Variants in TM9SF3 observed in about 807,000 individuals in gnomAD.
The protein encoded by TM9SF3 is SM-11044-binding protein.
In TM9SF3, 14 loss-of-function variants were observed where a neutral mutation model predicts 78.6. That is an observed-to-expected ratio of 0.18 (90% CI 0.12 to 0.28). The LOEUF is 0.28. Ranked by LOEUF, TM9SF3 falls within the 10% of genes least tolerant of loss-of-function variation. TM9SF3 has a pLI of 1.00. For synonymous variants in TM9SF3, 231 were observed against 241.7 expected, an observed-to-expected ratio of 0.96 and a Z score of 0.41; for missense variants, 496 against 721.9, an observed-to-expected ratio of 0.69 and a Z score of 3.59.
Position 96,533,055 on chromosome 10 carries a change from T to G in TM9SF3, c.1321A>C (p.Lys441Gln). 6.2e-7 allele frequency: 1 copy of G among 1,613,552 alleles called. No individual in the cohort carries two copies. Among genetic ancestry groups the G allele is most frequent in the Non-Finnish European group, 8.5e-7 (1 of 1,179,818 alleles). ...AAGATTTAGCATTCTCTTTACCATTTTTTCTCCGGTATAGGACGAGGCACA... is the reference window on the plus strand; with the variant it reads ...AAGATTTAGCATTCTCTTTACCATTGTTTCTCCGGTATAGGACGAGGCACA... The part of the protein sequence containing the change: ...NAVPRPIPEK[K>Q]WFMEPAVIVC... The change falls in exon 10 of 15, where the codon AAA becomes CAA. Residue 441 changes from lysine to glutamine, a missense_variant. Physicochemically the swap from Lys to Gln is moderately conservative, Grantham distance 53 (BLOSUM62 1). Transcript: ENST00000371142.
At chr10:96,561,606 A>C (rs1369963469) in intron 4 of TM9SF3, among the ~76,000 whole-genome samples, 1 of 152,232 alleles carries the variant, frequency 6.6e-6, no homozygotes, top group East Asian at 1.9e-4. Flanking sequence ...AGCAACTTTC[A>C]ATACAGCATC....
rs543418799 is a variant in TM9SF3, at chr10:96,586,862, G to C, written c.-27C>G. Reference sequence around the variant, plus strand: ...CTCCGCGCCCCTCCGGCCCGGAGCCGGCTCACCGACTCCTCCTCCCGCCGC... The same window carrying C: ...CTCCGCGCCCCTCCGGCCCGGAGCCCGCTCACCGACTCCTCCTCCCGCCGC... On this transcript the variant is annotated 5_prime_UTR_variant, in exon 1 of 15. Coordinates refer to ENST00000371142, the MANE Select transcript of TM9SF3 (RefSeq NM_020123.4). The C allele has an allele frequency of 8.4e-7, 1 of 1,194,648 alleles. No individual in the cohort carries two copies. Among genetic ancestry groups the C allele is most frequent in the African/African-American group, 1.6e-5 (1 of 60,860 alleles). The allele number at this position is 1,194,648 out of a possible 1,614,324, so 74.0% of individuals were successfully genotyped here.
intron 1 of TM9SF3, among the ~76,000 whole-genome samples, chr10:96,577,698 T>G (rs1848513715): frequency 6.6e-6 from 1 of 152,206 alleles, no homozygotes; most frequent in Non-Finnish European, 1.5e-5. Flanking sequence ...CAGACATTAA[T>G]TCACTGAACA....
intron 7 of TM9SF3, among the ~76,000 whole-genome samples, chr10:96,548,490 C>T (rs2134141666): frequency 6.6e-6 from 1 of 152,116 alleles, no homozygotes; most frequent in South Asian, 2.1e-4. Flanking sequence ...TCCCTGTTTC[C>T]CTCATGCTGC....
chr10:96,549,911 T>C (rs1246725969), intron 7 of TM9SF3, among the ~76,000 whole-genome samples: 1 of 152,028 alleles, frequency 6.6e-6, no homozygotes, highest in Non-Finnish European at 1.5e-5. Flanking sequence ...GATTATCTTC[T>C]AGTGGCTCTT....
At chr10:96,560,158 TC>T in intron 4 of TM9SF3, 1 of 782,156 alleles carries the variant, frequency 1.3e-6, no homozygotes. Flanking sequence ...CTGCCTTCTT[TC>T]CCACCTAAAT....
At chr10:96,552,421 CCTGT>C (rs1298196318) in intron 6 of TM9SF3, among the ~76,000 whole-genome samples, 1 of 152,156 alleles carries the variant, frequency 6.6e-6, no homozygotes, top group African/African-American at 2.4e-5. Context: ...TACACTCCAG[CCTGT>C]CTCTTAAAAC....
intron 8 of TM9SF3, 120 bp downstream of exon 8, chr10:96,547,773 TTG>T: frequency 5.2e-6 from 4 of 770,710 alleles, no homozygotes; most frequent in Non-Finnish European, 8.4e-6. Flanking sequence ...TGAGCAGAGA[TTG>T]CACCACTGCA....
chr10:96,554,648 G>A (rs1382574982), intron 5 of TM9SF3, among the ~76,000 whole-genome samples: 1 of 152,098 alleles, frequency 6.6e-6, no homozygotes, highest in Non-Finnish European at 1.5e-5. Context: ...TTCCAATGAT[G>A]ATGATAACAC....
chr10:96,528,311 T>C, intron 11 of TM9SF3, 134 bp from the exon 12 acceptor site: 1 of 754,134 alleles, frequency 1.3e-6, no homozygotes, highest in South Asian at 2.4e-5. Flanking sequence ...TCCAACAGCT[T>C]CTCTTACCAT....
chr10:96,550,697 A>G lies in TM9SF3; in HGVS notation c.959+548T>C, dbSNP rs554106950. On this transcript the variant is annotated intron_variant, in intron 7 of 14. Coordinates refer to ENST00000371142, the MANE Select transcript of TM9SF3 (RefSeq NM_020123.4). The stretch of plus-strand genomic sequence containing the variant: ...CTTACAAATGGTTTTGTTTGCAAAG[A>G]AAGAATTACAAAACTTGTGTCAAGA... Among the ~76,000 whole-genome samples, 6 of 152,356 alleles carry G rather than the reference A, an allele frequency of 3.9e-5. No individual in the cohort carries two copies. In the East Asian group the frequency reaches 9.6e-4, roughly 24 times the overall value.
chr10:96,568,733 T>C (rs1486003962), intron 2 of TM9SF3, among the ~76,000 whole-genome samples: 1 of 152,060 alleles, frequency 6.6e-6, no homozygotes, highest in Non-Finnish European at 1.5e-5. Context: ...GAAATCAATA[T>C]ATAAAAAGTT....
chr10:96,518,894 G>A lies in TM9SF3; in HGVS notation c.*3369C>T, dbSNP rs1398971756. On this transcript the variant is annotated 3_prime_UTR_variant, in exon 15 of 15. Coordinates refer to ENST00000371142, the MANE Select transcript of TM9SF3 (RefSeq NM_020123.4). The stretch of plus-strand genomic sequence containing the variant: ...TTTAGTGAAGATATAAAACATTAAT[G>A]AATACTTGTGTTTTAATACATCACT... 6.6e-6 allele frequency: 1 copy of A among 151,990 alleles called. No homozygotes were observed. The highest frequency in any genetic ancestry group is 1.5e-5 in the Non-Finnish European group (1 of 67,934). 9.4% of individuals were successfully genotyped at this position (151,990 alleles called of 1,614,324 possible).
intron 9 of TM9SF3, among the ~76,000 whole-genome samples, chr10:96,536,146 A>G (rs1421896130): frequency 1.3e-5 from 2 of 151,972 alleles, no homozygotes; most frequent in Non-Finnish European, 2.9e-5. Flanking sequence ...CGAACTACAA[A>G]TAGAAGGGAA....
chr10:96,583,446 T>G (rs959596803), intron 1 of TM9SF3, among the ~76,000 whole-genome samples: 1 of 152,234 alleles, frequency 6.6e-6, no homozygotes, highest in African/African-American at 2.4e-5. Context: ...CCACACTCAT[T>G]CGAGCATTTA....
chr10:96,537,942 A>G (rs528872526), intron 9 of TM9SF3, among the ~76,000 whole-genome samples: 23 of 152,342 alleles, frequency 1.5e-4, no homozygotes, highest in African/African-American at 5.5e-4. Context: ...AAAAGACTCA[A>G]TAATGTTAAG....
chr10:96,582,725 T>C (rs1182996747), intron 1 of TM9SF3, among the ~76,000 whole-genome samples: 1 of 152,180 alleles, frequency 6.6e-6, no homozygotes, highest in Non-Finnish European at 1.5e-5. Context: ...CATTTCCTTT[T>C]CAACACTCTT....
intron 9 of TM9SF3, among the ~76,000 whole-genome samples, chr10:96,534,914 TG>T (rs1359648663): frequency 6.6e-6 from 1 of 152,190 alleles, no homozygotes; most frequent in Non-Finnish European, 1.5e-5. Context: ...GAATGAATTT[TG>T]TCATTGATTA....
intron 1 of TM9SF3, among the ~76,000 whole-genome samples, chr10:96,585,012 C>G (rs1023063260): frequency 6.6e-6 from 1 of 152,050 alleles, no homozygotes; most frequent in Admixed American, 6.5e-5. Context: ...CTGAAATAGT[C>G]CTAGCAATAA....
Sources: allele counts gnomAD v4.1 joint callset (sites outside exome capture counted in the v4.1 genomes callset), GRCh38; gene constraint gnomAD v4.1.1; transcripts MANE v1.5; gene names NCBI Gene and HGNC (gene_info 2026-07-23, HGNC 2026-07-21).